BLOC1S5: variants seen among roughly 807,000 people sequenced by gnomAD.
BLOC1S5 encodes biogenesis of lysosome-related organelles complex 1 subunit 5.
In BLOC1S5, 27 loss-of-function variants were observed where a neutral mutation model predicts 24.3. The observed-to-expected ratio is 1.11, with a 90% CI of 0.82 to 1.53. The LOEUF is 1.53. Ranked by LOEUF, BLOC1S5 falls within the 40% of genes most tolerant of loss-of-function variation. The probability of loss-of-function intolerance (pLI) is 0.00; values close to 1 mark genes in which losing one functional copy is unlikely to be tolerated. For synonymous variants in BLOC1S5, 84 were observed against 74.5 expected, an observed-to-expected ratio of 1.13 and a Z score of -0.66; for missense variants, 239 against 229.4, an observed-to-expected ratio of 1.04 and a Z score of -0.27.
intron 4 of BLOC1S5, among the ~76,000 whole-genome samples, chr6:8,024,728 T>C (rs1004249653): frequency 6.6e-6 from 1 of 152,024 alleles, no homozygotes; most frequent in Non-Finnish European, 1.5e-5. Flanking sequence ...AAACAAACAG[T>C]GAGCTGGCAG....
In BLOC1S5 at chr6:8,021,000, A is replaced by T. The variant is rs569764443; in HGVS notation, c.385-5172T>A. On this transcript the variant is annotated intron_variant, in intron 4 of 4. Transcript: ENST00000397457. ...AATAGCCAAAGGTGGGAGAACCTAAACGTCCATAGACAGATGAACAGATAA... is the reference window on the plus strand; with the variant it reads ...AATAGCCAAAGGTGGGAGAACCTAATCGTCCATAGACAGATGAACAGATAA... 6.6e-5 allele frequency among the ~76,000 whole-genome samples: 10 copies of T among 152,372 alleles called. No homozygotes were observed. In the South Asian group the frequency reaches 8.3e-4, roughly 13 times the overall value.
intron 2 of BLOC1S5, among the ~76,000 whole-genome samples, chr6:8,043,557 C>T (rs894748622): frequency 1.3e-5 from 2 of 152,148 alleles, no homozygotes; most frequent in Admixed American, 6.5e-5. Flanking sequence ...GGAACTGTCA[C>T]AGACCAAAGA....
At chr6:8,052,283 C>T (rs891166705) in intron 2 of BLOC1S5, among the ~76,000 whole-genome samples, 1 of 152,064 alleles carries the variant, frequency 6.6e-6, no homozygotes, top group African/African-American at 2.4e-5. Context: ...ATTCATTCTA[C>T]AGCGCATGGA....
chr6:8,024,010 C>T (rs1234666639), intron 4 of BLOC1S5, among the ~76,000 whole-genome samples: 1 of 152,096 alleles, frequency 6.6e-6, no homozygotes, highest in African/African-American at 2.4e-5. Context: ...TTACTTTGAG[C>T]AGAGAAGTGG....
intron 4 of BLOC1S5, among the ~76,000 whole-genome samples, chr6:8,023,078 A>C (rs1349974948): frequency 6.6e-6 from 1 of 152,138 alleles, no homozygotes; most frequent in African/African-American, 2.4e-5. Flanking sequence ...CATGAACCTA[A>C]ATTTAAATTA....
intron 4 of BLOC1S5, among the ~76,000 whole-genome samples, chr6:8,019,568 C>A (rs1762853338): frequency 6.7e-6 from 1 of 149,910 alleles, no homozygotes; most frequent in African/African-American, 2.5e-5. Flanking sequence ...CGGCGCCCGG[C>A]CCATTCTTAC....
intron 2 of BLOC1S5, among the ~76,000 whole-genome samples, chr6:8,052,665 G>A (rs1037049011): frequency 5.3e-5 from 8 of 151,920 alleles, no homozygotes; most frequent in Non-Finnish European, 7.4e-5. Context: ...GGCTCAGGCT[G>A]GCAGATCACG....
At position 8,049,846 on chromosome 6, in the gene BLOC1S5, G is replaced by C. The variant is rs1254101428; in HGVS notation, c.196-8578C>G. Among the ~76,000 whole-genome samples, 4 of 152,138 alleles carry C rather than the reference G, an allele frequency of 2.6e-5. No homozygotes were observed. The East Asian group carries it at 7.7e-4, about 29-fold the overall frequency. ...CCCGCCTCAGCCCCCAAGTAGCTGA[G>C]AGAACAGGCACAAGCCACTATGCCC... On this transcript the variant is annotated intron_variant, in intron 2 of 4. Coordinates refer to ENST00000397457, the MANE Select transcript of BLOC1S5 (RefSeq NM_201280.3).
intron 3 of BLOC1S5, among the ~76,000 whole-genome samples, chr6:8,039,490 T>C (rs1763608670): frequency 1.3e-5 from 2 of 152,144 alleles, no homozygotes; most frequent in Admixed American, 1.3e-4. Flanking sequence ...AGGTGATGAA[T>C]ATGTGAATTA....
intron 2 of BLOC1S5, among the ~76,000 whole-genome samples, chr6:8,049,375 A>T (rs1026332454): frequency 6.6e-6 from 1 of 151,942 alleles, no homozygotes; most frequent in Non-Finnish European, 1.5e-5. Context: ...TCGTCTCAAA[A>T]AAAAAAAGAA....
intron 4 of BLOC1S5, among the ~76,000 whole-genome samples, chr6:8,022,583 T>TTTTTTTTC (rs1561855078): frequency 9.6e-5 from 12 of 125,248 alleles, no homozygotes; most frequent in African/African-American, 3.4e-4. Flanking sequence ...TTTTTTCTTT[T>TTTTTTTTC]TTTTTTTTCT....
At chr6:8,062,107 G>T (rs1764533561) in intron 2 of BLOC1S5, among the ~76,000 whole-genome samples, 1 of 152,182 alleles carries the variant, frequency 6.6e-6, no homozygotes, top group Non-Finnish European at 1.5e-5. Context: ...TGGGGTCACT[G>T]AATGTGGAAC....
At chr6:8,051,110 C>T (rs963562478) in intron 2 of BLOC1S5, among the ~76,000 whole-genome samples, 3 of 151,650 alleles carry the variant, frequency 2.0e-5, no homozygotes, top group African/African-American at 7.3e-5. Flanking sequence ...ATTGCTTGAA[C>T]CTGGGAGGTG....
At chr6:8,053,317 A>G (rs1764194100) in intron 2 of BLOC1S5, among the ~76,000 whole-genome samples, 1 of 152,234 alleles carries the variant, frequency 6.6e-6, no homozygotes. Flanking sequence ...AAATCTTTGT[A>G]GAAGGAAGAG....
chr6:8,015,795 G>A lies in BLOC1S5; in HGVS notation c.418C>T (p.Gln140Ter), dbSNP rs1358318665. The A allele has an allele frequency of 6.2e-7, 1 of 1,613,544 alleles. No homozygotes were observed. Among genetic ancestry groups the A allele is most frequent in the Non-Finnish European group, 8.5e-7 (1 of 1,179,892 alleles). ...HSDHLVASEK[Q>*]HMLQWDNFMK... ...AAGTTGTCCCACTGGAGCATATGCT[G>A]TTTCTCACTAGCTACTAAGTGGTCA... The change falls in exon 5 of 5, where the codon CAG (glutamine) becomes TAG (stop). Residue 140 changes from glutamine to a stop codon, truncating the protein, a stop_gained. Coordinates refer to ENST00000397457, the MANE Select transcript of BLOC1S5 (RefSeq NM_201280.3). LOFTEE classifies it high-confidence loss of function.
chr6:8,056,927 C>CA (rs576053690), intron 2 of BLOC1S5, among the ~76,000 whole-genome samples: 5 of 151,940 alleles, frequency 3.3e-5, no homozygotes, highest in African/African-American at 9.7e-5. Context: ...ATTTAAAAGA[C>CA]AAAAAAAGGC....
rs754317159 is a variant in BLOC1S5, at chr6:8,041,220, T to C, written c.244A>G (p.Met82Val). 2.5e-6 allele frequency: 4 copies of C among 1,613,256 alleles called. No individual in the cohort carries two copies. The highest frequency in any genetic ancestry group is 3.4e-6 in the Non-Finnish European group (4 of 1,179,546). Residue 82 changes from methionine (M) to valine (V), a missense_variant, in exon 3 of 5, where the codon ATG becomes GTG. Met to Val is a conservative substitution (Grantham distance 21). Transcript: ENST00000397457. ...EMRVLENLKN[M>V]IHETNEHTLP... The stretch of plus-strand genomic sequence containing the variant: ...GTATGTTCATTTGTTTCATGGATCA[T>C]GTTCTTCAAATTTTCAAGAACTCGC...
intron 3 of BLOC1S5, among the ~76,000 whole-genome samples, chr6:8,030,974 A>C (rs1318389217): frequency 2.0e-5 from 3 of 152,130 alleles, no homozygotes; most frequent in Non-Finnish European, 4.4e-5. Context: ...TAGAAGGGAC[A>C]TACCCTAAGG....
At chr6:8,020,890 T>C (rs778236576) in intron 4 of BLOC1S5, among the ~76,000 whole-genome samples, 10 of 152,194 alleles carry the variant, frequency 6.6e-5, no homozygotes, top group Non-Finnish European at 1.3e-4. Flanking sequence ...GCAGCAATTC[T>C]ACTGTTGGGC....
Sources: allele counts gnomAD v4.1 joint callset (sites outside exome capture counted in the v4.1 genomes callset), GRCh38; gene constraint gnomAD v4.1.1; transcripts MANE v1.5; gene names NCBI Gene and HGNC (gene_info 2026-07-23, HGNC 2026-07-21).